GSE1: variants seen among roughly 807,000 people sequenced by gnomAD.
GSE1 encodes genetic suppressor element 1.
GSE1 carries 32 observed loss-of-function variants against 112.6 expected under a neutral mutation model. The ratio of observed to expected loss-of-function variants is 0.28; its 90% confidence interval spans 0.21 to 0.38. The LOEUF (loss-of-function observed/expected upper bound fraction) is 0.38, where lower values mean the gene tolerates loss of function less well. Among genes scored for constraint, GSE1 ranks in the 10% least tolerant of loss-of-function variants. The pLI, the probability that GSE1 is intolerant of heterozygous loss-of-function variation, is 1.00. For synonymous variants in GSE1, 1,115 were observed against 735.6 expected (o/e 1.52, Z -8.35); for missense variants, 2,348 against 1,699.2 (o/e 1.38, Z -6.71).
chr16:85,454,897 C>T (rs997756192), intron 2 of GSE1, among the ~76,000 whole-genome samples: 1 of 152,226 alleles, frequency 6.6e-6, no homozygotes, highest in African/African-American at 2.4e-5. Flanking sequence ...TTAATCACAT[C>T]TGCAAAGCCC....
chr16:85,475,654 G>C (rs1300540531), intron 2 of GSE1, among the ~76,000 whole-genome samples: 1 of 152,198 alleles, frequency 6.6e-6, no homozygotes, highest in Admixed American at 6.5e-5. Context: ...CTCTGTCCAG[G>C]GGTCGAGGCC....
At chr16:85,222,543 G>C (rs1044267613) in intron 1 of GSE1, among the ~76,000 whole-genome samples, 1 of 152,198 alleles carries the variant, frequency 6.6e-6, no homozygotes, top group Non-Finnish European at 1.5e-5. Flanking sequence ...CCAGGAGGCT[G>C]ATAGCTATTT....
intron 2 of GSE1, among the ~76,000 whole-genome samples, chr16:85,507,204 A>G (rs1482894730): frequency 2.0e-5 from 3 of 152,178 alleles, no homozygotes; most frequent in African/African-American, 7.2e-5. Flanking sequence ...GTATTCATCT[A>G]GATTTGTGTC....
chr16:85,614,761 C>T (rs564229765), intron 1 of GSE1, among the ~76,000 whole-genome samples: 2 of 152,342 alleles, frequency 1.3e-5, no homozygotes, highest in Non-Finnish European at 2.9e-5. Flanking sequence ...AACCCTTGCT[C>T]CCCGCTGCGG....
intron 1 of GSE1, among the ~76,000 whole-genome samples, chr16:85,182,033 G>A (rs1036876274): frequency 2.6e-5 from 4 of 152,182 alleles, no homozygotes; most frequent in African/African-American, 7.2e-5. Flanking sequence ...AGGGAGCCCC[G>A]GAACGTCCAG....
At chr16:85,275,891 GC>G (rs1415975654) in intron 1 of GSE1, among the ~76,000 whole-genome samples, 1 of 152,236 alleles carries the variant, frequency 6.6e-6, no homozygotes, top group Non-Finnish European at 1.5e-5. Context: ...CTGCTCTCTG[GC>G]CCCGTTCACT....
intron 2 of GSE1, among the ~76,000 whole-genome samples, chr16:85,536,886 G>C (rs561517729): frequency 5.1e-4 from 78 of 152,374 alleles, no homozygotes; most frequent in African/African-American, 1.8e-3. Context: ...TAGAAACTCA[G>C]GACCTGGAAT....
upstream of GSE1, among the ~76,000 whole-genome samples, chr16:85,552,754 T>A (rs2044989488): frequency 6.6e-6 from 1 of 152,212 alleles, no homozygotes; most frequent in East Asian, 1.9e-4. Flanking sequence ...AGCTTCTTTC[T>A]GGCATAGTCT....
chr16:85,196,091 G>A (rs2074921643), intron 1 of GSE1, among the ~76,000 whole-genome samples: 1 of 152,170 alleles, frequency 6.6e-6, no homozygotes, highest in South Asian at 2.1e-4. Flanking sequence ...GAAAAACGAG[G>A]GCTCTAAATA....
At chr16:85,314,604 G>T (rs1160571435) in intron 1 of GSE1, among the ~76,000 whole-genome samples, 1 of 152,116 alleles carries the variant, frequency 6.6e-6, no homozygotes, top group South Asian at 2.1e-4. Flanking sequence ...ACACCCACAG[G>T]CTCCCTCCTT....
At chr16:85,655,353 G>A (rs1243983241) in intron 5 of GSE1, among the ~76,000 whole-genome samples, 6 of 152,228 alleles carry the variant, frequency 3.9e-5, no homozygotes, top group South Asian at 2.1e-4. Flanking sequence ...GCCTGGGTCC[G>A]TGGAGAAGCT....
intron 1 of GSE1, among the ~76,000 whole-genome samples, chr16:85,248,648 T>C (rs978161969): frequency 2.0e-5 from 3 of 152,176 alleles, no homozygotes; most frequent in African/African-American, 4.8e-5. Flanking sequence ...GAGACAGAAG[T>C]ATCTAATATT....
intron 1 of GSE1, among the ~76,000 whole-genome samples, chr16:85,271,240 T>A (rs35953909): frequency 4.6e-5 from 7 of 152,064 alleles, no homozygotes; most frequent in African/African-American, 1.7e-4. Context: ...CCAAGCAGGA[T>A]CGAGTTCCAG....
rs1010214433 is a variant in GSE1, at chr16:85,373,928, G to T, written c.2464+16285G>T. The stretch of plus-strand genomic sequence containing the variant: ...CGCCCGGCCTCCCTCCCCGCTCCCC[G>T]CAGGCCCTGTCAGGTCAGCGGCGCC... On this transcript the variant is annotated intron_variant, in intron 2 of 2. Transcript: ENST00000637419. This position sits in a 1 kb window ranked among gnomAD's most constrained non-coding sequence, Gnocchi z 5.1. Among the ~76,000 whole-genome samples the T allele has an allele frequency of 6.6e-6, 1 of 152,124 alleles. No individual in the cohort carries two copies. The highest frequency in any genetic ancestry group is 1.5e-5 in the Non-Finnish European group (1 of 68,008).
intron 1 of GSE1, among the ~76,000 whole-genome samples, chr16:85,220,660 T>G (rs2075375032): frequency 6.6e-6 from 1 of 152,182 alleles, no homozygotes; most frequent in Non-Finnish European, 1.5e-5. Context: ...CTGGCCCGTC[T>G]CGCTTTGTCT....
At chr16:85,182,840 G>A (rs1597737149) in intron 1 of GSE1, among the ~76,000 whole-genome samples, 1 of 152,000 alleles carries the variant, frequency 6.6e-6, no homozygotes, top group East Asian at 1.9e-4. Context: ...ACAGGGTGGG[G>A]TAGTTTTGCC....
intron 2 of GSE1, among the ~76,000 whole-genome samples, chr16:85,363,436 C>G (rs1180575945): frequency 6.6e-6 from 1 of 152,184 alleles, no homozygotes; most frequent in Non-Finnish European, 1.5e-5. Context: ...CTGGGCCAGG[C>G]CTTACCTCCA....
chr16:85,247,058 C>G (rs1217054854), intron 1 of GSE1, among the ~76,000 whole-genome samples: 41 of 152,166 alleles, frequency 2.7e-4, no homozygotes. Flanking sequence ...CCCCACCCCC[C>G]AGGGCTGCTG....
intron 1 of GSE1, among the ~76,000 whole-genome samples, chr16:85,277,211 G>C (rs1296384900): frequency 6.6e-6 from 1 of 152,106 alleles, no homozygotes; most frequent in East Asian, 1.9e-4. Flanking sequence ...GTGGGGGTGG[G>C]GCACTGTAAG....
Sources: allele counts gnomAD v4.1 joint callset (sites outside exome capture counted in the v4.1 genomes callset), GRCh38; gene constraint gnomAD v4.1.1; non-coding constraint Gnocchi (gnomAD v3.1); transcripts MANE v1.5; gene names NCBI Gene and HGNC (gene_info 2026-07-23, HGNC 2026-07-21).